The following MBP variants were observed in gnomAD, a reference collection of about 807,000 sequenced individuals.
The protein encoded by MBP is myelin basic protein.
Under a neutral mutation model 35.8 loss-of-function variants are expected in MBP, and 16 were observed. The ratio of observed to expected loss-of-function variants is 0.45; its 90% CI spans 0.30 to 0.68. The LOEUF (loss-of-function observed/expected upper bound fraction) is 0.68. Among genes scored for constraint, MBP ranks in the 30% least tolerant of loss-of-function variants. MBP has a pLI of 0.08. For synonymous variants in MBP, 143 were observed against 159.6 expected (o/e 0.90, Z 0.78); for missense variants, 380 against 404.7 (o/e 0.94, Z 0.52).
chr18:77,051,788 CA>C (rs1973498271), intron 3 of MBP, among the ~76,000 whole-genome samples: 1 of 152,130 alleles, frequency 6.6e-6, no homozygotes, highest in Non-Finnish European at 1.5e-5. Flanking sequence ...GCGTGAAGAC[CA>C]GGGGTAGGAG....
At chr18:77,119,701 C>G (rs1380574049) in intron 1 of MBP, among the ~76,000 whole-genome samples, 2 of 152,160 alleles carry the variant, frequency 1.3e-5, no homozygotes, top group Non-Finnish European at 2.9e-5. Flanking sequence ...ACTTAAGGCT[C>G]CTCCCAGAAA....
In MBP at chr18:77,029,044, G is replaced by C. The variant is rs1234931191; in HGVS notation, c.140-11776C>G. ...CAGAGGCTGCAATCTCGGCACTTTG[G>C]GAGGCCAAGGCAGGCGGCTGGGAGG... On this transcript the variant is annotated intron_variant, in intron 3 of 8. Transcript: ENST00000355994. Among the ~76,000 whole-genome samples the C allele has an allele frequency of 1.9e-5, 2 of 106,552 alleles. 1 individual carries two copies. The highest frequency in any genetic ancestry group is 6.1e-4 in the South Asian group (2 of 3,302). The allele number at this position is 106,552 out of a possible 152,430, so 69.9% of individuals were successfully genotyped here.
At chr18:77,069,790 C>T (rs1376353294) in intron 2 of MBP, among the ~76,000 whole-genome samples, 1 of 152,154 alleles carries the variant, frequency 6.6e-6, no homozygotes, top group Non-Finnish European at 1.5e-5. Flanking sequence ...GTTGGTCCCA[C>T]AGCTATGGTG....
chr18:77,098,168 C>CTTTTTTTTTTTTTTTTTTTT lies in MBP; in HGVS notation c.51+7023_51+7042dup, dbSNP rs3214873. On this transcript the variant is annotated intron_variant, in intron 2 of 8. Transcript: ENST00000355994. ...TTCTGAGGACAGACACAAGGACTTC[C>CTTTTTTTTTTTTTTTTTTTT]TTTTTTTTTTTTTTTTTTTTTACAA... 3.8e-4 allele frequency among the ~76,000 whole-genome samples: 41 copies of CTTTTTTTTTTTTTTTTTTTT among 108,516 alleles called. 1 individual carries two copies. Among genetic ancestry groups the CTTTTTTTTTTTTTTTTTTTT allele is most frequent in the Admixed American group, 5.5e-4 (5 of 9,116 alleles). The allele number at this position is 108,516 out of a possible 152,430, so 71.2% of individuals were successfully genotyped here.
chr18:77,063,756 T>C (rs1470528452), intron 3 of MBP, among the ~76,000 whole-genome samples: 4 of 152,196 alleles, frequency 2.6e-5, no homozygotes, highest in Non-Finnish European at 2.9e-5. Flanking sequence ...CTAAACTCAG[T>C]ATCTCTTGGA....
At chr18:77,128,155 G>T (rs1359940480) in intron 1 of MBP, among the ~76,000 whole-genome samples, 1 of 152,158 alleles carries the variant, frequency 6.6e-6, no homozygotes, top group Non-Finnish European at 1.5e-5. Flanking sequence ...CTGGGTGAAC[G>T]GTTGAACACA....
At chr18:77,091,257 TAC>T (rs1975510674) in intron 2 of MBP, among the ~76,000 whole-genome samples, 1 of 152,218 alleles carries the variant, frequency 6.6e-6, no homozygotes, top group Non-Finnish European at 1.5e-5. Flanking sequence ...TTGCCTGACT[TAC>T]AGTTTGTATT....
intron 7 of MBP, chr18:76,985,479 T>A: frequency 7.6e-6 from 9 of 1,186,292 alleles, no homozygotes; most frequent in Non-Finnish European, 9.6e-6. Flanking sequence ...GAGCCTCGTA[T>A]CTTTTATAAG....
At chr18:76,997,775 C>CG (rs1383533292) in intron 4 of MBP, among the ~76,000 whole-genome samples, 1 of 151,104 alleles carries the variant, frequency 6.6e-6, no homozygotes, top group Non-Finnish European at 1.5e-5. Context: ...CTCCGCCTCC[C>CG]GGGTTCACGC....
rs73968254 is a variant in MBP at position 77,020,252 on chromosome 18, G to C, written c.140-2984C>G. 1.5e-3 allele frequency among the ~76,000 whole-genome samples: 229 copies of C among 152,240 alleles called. 1 individual carries two copies. Among genetic ancestry groups the C allele is most frequent in the African/African-American group, 5.3e-3 (219 of 41,538 alleles). On this transcript the variant is annotated intron_variant, in intron 3 of 8. Transcript: ENST00000355994. The surrounding 1 kb of genome is among the most constrained non-coding windows in gnomAD (Gnocchi z 4.1). ...GAAAGAAAGGTCTCTGGCCTGGGGT[G>C]GGGGAGTGGGGAGAGTGGCTGCAGG...
chr18:77,051,629 G>C (rs752580759), intron 3 of MBP, among the ~76,000 whole-genome samples: 7 of 152,132 alleles, frequency 4.6e-5, no homozygotes, highest in Non-Finnish European at 7.4e-5. Flanking sequence ...AAGAGTTGAG[G>C]GTTCTTCCAC....
intron 1 of MBP, among the ~76,000 whole-genome samples, chr18:77,120,216 G>A (rs772595878): frequency 2.6e-5 from 4 of 152,348 alleles, no homozygotes; most frequent in African/African-American, 4.8e-5. Context: ...GGGAACACAC[G>A]CTCCCGTAGG....
rs1599294439 is a variant in MBP, at chr18:77,129,351, T to C, written c.-26+3229A>G. Reference sequence around the variant, plus strand: ...TGGAACATGCACTCGTGGTTGTTGCTGGCATGTGGGAGATGTTGCTGTGGA... The same window carrying C: ...TGGAACATGCACTCGTGGTTGTTGCCGGCATGTGGGAGATGTTGCTGTGGA... On this transcript the variant is annotated intron_variant, in intron 1 of 8. Transcript: ENST00000355994. Among the ~76,000 whole-genome samples the C allele has an allele frequency of 3.9e-5, 6 of 152,264 alleles. 1 individual carries two copies. The South Asian group carries it at 1.2e-3, about 31-fold the overall frequency.
intron 3 of MBP, among the ~76,000 whole-genome samples, chr18:77,052,049 G>A (rs1299672493): frequency 6.6e-6 from 1 of 152,174 alleles, no homozygotes; most frequent in East Asian, 1.9e-4. Context: ...GGAAGAGGAT[G>A]AGGAGGCTGG....
intron 4 of MBP, chr18:77,014,742 A>C: frequency 1.0e-6 from 1 of 985,324 alleles, no homozygotes; most frequent in African/African-American, 1.7e-5. Context: ...TCACATCCCC[A>C]CTGCGTGCGC....
At chr18:77,016,082 C>A in intron 4 of MBP, 1 of 985,410 alleles carries the variant, frequency 1.0e-6, no homozygotes, top group Non-Finnish European at 1.2e-6. Context: ...CTTTGATGAA[C>A]CAGCAGCCAC....
chr18:77,038,743 G>A (rs906405556), intron 3 of MBP, among the ~76,000 whole-genome samples: 3 of 152,168 alleles, frequency 2.0e-5, no homozygotes, highest in Non-Finnish European at 4.4e-5. Context: ...ACACATGTAC[G>A]CATATCACTT....
intron 3 of MBP, among the ~76,000 whole-genome samples, chr18:77,051,843 G>A (rs1446256639): frequency 6.6e-6 from 1 of 152,148 alleles, no homozygotes; most frequent in African/African-American, 2.4e-5. Flanking sequence ...GTAACAGTGG[G>A]CTTAATTTTC....
chr18:77,091,565 G>A (rs1975521287), intron 2 of MBP, among the ~76,000 whole-genome samples: 2 of 150,608 alleles, frequency 1.3e-5, no homozygotes, highest in African/African-American at 4.9e-5. Flanking sequence ...CGCCACGGAT[G>A]ACGTCTGCAG....
Sources: allele counts gnomAD v4.1 joint callset (sites outside exome capture counted in the v4.1 genomes callset), GRCh38; gene constraint gnomAD v4.1.1; non-coding constraint Gnocchi (gnomAD v3.1); transcripts MANE v1.5; gene names NCBI Gene and HGNC (gene_info 2026-07-23, HGNC 2026-07-21).